Variants in SPAG16 observed in about 807,000 individuals in gnomAD.
SPAG16 encodes sperm associated antigen 16.
A neutral mutation model predicts 80.4 loss-of-function variants in SPAG16; 86 were observed. The ratio of observed to expected loss-of-function variants is 1.07; its 90% CI spans 0.90 to 1.28. The LOEUF (loss-of-function observed/expected upper bound fraction) is 1.28. SPAG16 is among the 50% of genes most tolerant of loss of function. The probability of loss-of-function intolerance (pLI) is 0.00; values close to 1 mark genes in which losing one functional copy is unlikely to be tolerated. For missense variants in SPAG16, 870 were observed against 765.3 expected, an observed-to-expected ratio of 1.14 and a Z score of -1.61; for synonymous variants, 294 against 265.9, an observed-to-expected ratio of 1.11 and a Z score of -1.03.
chr2:213,711,454 C>T (rs1287891453), intron 10 of SPAG16, among the ~76,000 whole-genome samples: 2 of 151,632 alleles, frequency 1.3e-5, no homozygotes, highest in Non-Finnish European at 2.9e-5. Flanking sequence ...TAAAATTTAT[C>T]CTAGTTATTT....
chr2:213,805,611 C>A (rs2071719034), intron 10 of SPAG16, among the ~76,000 whole-genome samples: 1 of 152,062 alleles, frequency 6.6e-6, no homozygotes, highest in Admixed American at 6.6e-5. Flanking sequence ...AGCTGGATAA[C>A]CACTTATAAT....
chr2:213,833,987 C>T (rs2073944089), intron 10 of SPAG16, among the ~76,000 whole-genome samples: 1 of 151,974 alleles, frequency 6.6e-6, no homozygotes, highest in Non-Finnish European at 1.5e-5. Flanking sequence ...GTGGAAGGGG[C>T]CCAGGGAGAG....
intron 15 of SPAG16, among the ~76,000 whole-genome samples, chr2:214,361,421 T>C (rs945666880): frequency 6.6e-6 from 1 of 151,832 alleles, no homozygotes; most frequent in Non-Finnish European, 1.5e-5. Context: ...CATTTATGTT[T>C]TGGCCTTTGT....
intron 7 of SPAG16, among the ~76,000 whole-genome samples, chr2:213,359,640 A>G (rs1252330577): frequency 1.3e-5 from 2 of 152,226 alleles, no homozygotes; most frequent in Non-Finnish European, 2.9e-5. Flanking sequence ...AAAGTGCAGT[A>G]TTTGGACAGA....
At chr2:214,356,029 G>T (rs1386972670) in intron 15 of SPAG16, among the ~76,000 whole-genome samples, 9 of 116,496 alleles carry the variant, frequency 7.7e-5, no homozygotes, top group South Asian at 3.6e-4. Flanking sequence ...TTGTGGGGTG[G>T]GGGGAGGGGG....
At chr2:213,915,788 T>C (rs981683664) in intron 11 of SPAG16, among the ~76,000 whole-genome samples, 2 of 152,158 alleles carry the variant, frequency 1.3e-5, no homozygotes, top group South Asian at 2.1e-4. Context: ...ATCTGTTGTT[T>C]CCTGACTTTT....
At chr2:214,087,624 A>C (rs1282321433) in intron 13 of SPAG16, among the ~76,000 whole-genome samples, 4 of 152,160 alleles carry the variant, frequency 2.6e-5, no homozygotes, top group Admixed American at 1.3e-4. Context: ...ATTATTCTTA[A>C]GTACCAAAAA....
intron 13 of SPAG16, among the ~76,000 whole-genome samples, chr2:214,076,702 A>C (rs1160401): frequency 0.72 from 109,386 of 151,950 alleles, 39,632 homozygotes; most frequent in African/African-American, 0.78. Flanking sequence ...CTTATTATAG[A>C]ATGTGCCTTG....
intron 10 of SPAG16, among the ~76,000 whole-genome samples, chr2:213,631,480 G>A (rs1054190534): frequency 2.0e-5 from 3 of 152,128 alleles, no homozygotes; most frequent in African/African-American, 7.2e-5. Flanking sequence ...ATGTTGAATT[G>A]TAATTCCCAA....
intron 15 of SPAG16, among the ~76,000 whole-genome samples, chr2:214,382,516 T>C (rs1216782627): frequency 6.6e-6 from 1 of 152,216 alleles, no homozygotes; most frequent in East Asian, 1.9e-4. Flanking sequence ...CTGCAGGTAA[T>C]AGCCTTCAGA....
chr2:214,311,188 C>T (rs1001071373), intron 15 of SPAG16, among the ~76,000 whole-genome samples: 15 of 152,158 alleles, frequency 9.9e-5, no homozygotes, highest in Non-Finnish European at 1.9e-4. Flanking sequence ...TGGCAGTCTG[C>T]ATTCCCCCTC....
intron 10 of SPAG16, among the ~76,000 whole-genome samples, chr2:213,772,686 T>A (rs1453923662): frequency 1.3e-5 from 2 of 152,166 alleles, no homozygotes; most frequent in Non-Finnish European, 2.9e-5. Context: ...TTAATTCTCC[T>A]AAATTTGTTT....
At chr2:213,969,835 C>A (rs568685985) in intron 12 of SPAG16, among the ~76,000 whole-genome samples, 3 of 152,004 alleles carry the variant, frequency 2.0e-5, no homozygotes, top group Admixed American at 6.6e-5. Context: ...AAAAAACACC[C>A]TTTAGCCACT....
At chr2:213,661,740 T>G (rs770450524) in intron 10 of SPAG16, among the ~76,000 whole-genome samples, 1 of 152,218 alleles carries the variant, frequency 6.6e-6, no homozygotes, top group Non-Finnish European at 1.5e-5. Context: ...TTAATGATAA[T>G]GTTATTGTTT....
At chr2:214,149,400 AC>A in intron 15 of SPAG16, 134 bp downstream of exon 15, 1 of 749,512 alleles carries the variant, frequency 1.3e-6, no homozygotes, top group Non-Finnish European at 1.8e-6. Context: ...ATATTACATT[AC>A]ATTAAGATAT....
intron 12 of SPAG16, among the ~76,000 whole-genome samples, chr2:213,958,866 T>C (rs1444185915): frequency 6.6e-6 from 1 of 152,192 alleles, no homozygotes; most frequent in African/African-American, 2.4e-5. Context: ...TTTCTTAATG[T>C]GGCTTTGAGT....
chr2:213,479,931 T>C (rs986992481), intron 9 of SPAG16, among the ~76,000 whole-genome samples: 1 of 151,928 alleles, frequency 6.6e-6, no homozygotes, highest in African/African-American at 2.4e-5. Context: ...GTTAAACATG[T>C]AGAATATATC....
chr2:214,311,912 G>T (rs895438086), intron 15 of SPAG16, among the ~76,000 whole-genome samples: 1 of 152,122 alleles, frequency 6.6e-6, no homozygotes, highest in African/African-American at 2.4e-5. Flanking sequence ...TAGAGTCAGT[G>T]ATGTGGATCC....
intron 10 of SPAG16, among the ~76,000 whole-genome samples, chr2:213,764,001 A>G (rs539490190): frequency 6.6e-6 from 1 of 152,310 alleles, no homozygotes; most frequent in South Asian, 2.1e-4. Flanking sequence ...GTGGGTGTGG[A>G]TTCATTTCCA....
Sources: gnomAD v4.1 joint callset for allele counts (sites outside exome capture counted in the v4.1 genomes callset) on GRCh38, gnomAD v4.1.1 for gene constraint, MANE v1.5 for transcripts, NCBI Gene and HGNC (gene_info 2026-07-23, HGNC 2026-07-21) for gene names.